The following OPLAH variants were observed in gnomAD, a reference collection of about 807,000 sequenced individuals.
OPLAH encodes the protein 5-oxoprolinase, ATP-hydrolysing.
In OPLAH, 103 loss-of-function variants were observed where a neutral mutation model predicts 122.8. The observed-to-expected ratio is 0.84, with a 90% CI of 0.71 to 0.99. OPLAH has a LOEUF of 0.99. OPLAH is among the 50% of genes least tolerant of loss of function. OPLAH has a pLI of 0.00. For synonymous variants in OPLAH, 875 were observed against 796.0 expected (o/e 1.10, Z -1.67); for missense variants, 1,902 against 1,836.5 (o/e 1.04, Z -0.65).
chr8:144,057,949 G>A, intron 8 of OPLAH, 26 bp from the exon 9 acceptor site: 2 of 1,611,990 alleles, frequency 1.2e-6, no homozygotes, highest in South Asian at 2.2e-5. Flanking sequence ...GCTGGGGTTG[G>A]AGTTGGACAC....
At position 144,055,324 on chromosome 8, in the gene OPLAH, C is replaced by G. The variant is rs1420973715; in HGVS notation, c.2249-135G>C. 1 of 933,082 alleles carries G rather than the reference C, an allele frequency of 1.1e-6. No homozygotes were observed. The highest frequency in any genetic ancestry group is 1.7e-5 in the African/African-American group (1 of 59,248). 57.8% of individuals were successfully genotyped at this position (933,082 alleles called of 1,614,324 possible). On this transcript the variant is annotated intron_variant, in intron 16 of 26. Transcript: ENST00000618853. This position sits in a 1 kb window ranked among gnomAD's most constrained non-coding sequence, Gnocchi z 6.5. ...CCAGCAGCTTTTTCCTGGGGAAGAC[C>G]AAGTTGACGGTGTGCCCACTTGGCC...
intron 14 of OPLAH, 49 bp downstream of exon 14, chr8:144,056,336 C>T (rs1835513353): frequency 6.3e-7 from 1 of 1,594,414 alleles, no homozygotes; most frequent in African/African-American, 1.3e-5. Context: ...TGGTCCCCAT[C>T]CCGGTGCCCC....
intron 23 of OPLAH, 43 bp downstream of exon 23, chr8:144,052,406 C>T (rs1554757898): frequency 6.5e-7 from 1 of 1,526,798 alleles, no homozygotes; most frequent in African/African-American, 1.4e-5. Flanking sequence ...TCCAGCCTGC[C>T]CACCCAGTCC....
rs782039049 is a variant in OPLAH at position 144,054,979 on chromosome 8, G to C, written c.2409+50C>G. 5.1e-5 allele frequency: 54 copies of C among 1,065,576 alleles called. No homozygotes were observed. The African/African-American group carries it at 7.3e-4, about 14-fold the overall frequency. 66.0% of individuals were successfully genotyped at this position (1,065,576 alleles called of 1,614,324 possible). ...AGGGGCCAGAGCGGGGTGGGGGGGGGGTGGAGGGTGAGGGAGGGGGATGGA... is the reference window on the plus strand; with the variant it reads ...AGGGGCCAGAGCGGGGTGGGGGGGGCGTGGAGGGTGAGGGAGGGGGATGGA... On this transcript the variant is annotated intron_variant, in intron 17 of 26. Coordinates refer to ENST00000618853, the MANE Select transcript of OPLAH (RefSeq NM_017570.5).
chr8:144,051,149 G>A, downstream of OPLAH: 3 of 1,426,436 alleles, frequency 2.1e-6, no homozygotes, highest in East Asian at 8.1e-5. Flanking sequence ...CCGCCCTGGA[G>A]GGGCTCACGG....
intron 12 of OPLAH, 62 bp from the exon 13 acceptor site, chr8:144,056,817 C>G: frequency 1.3e-6 from 2 of 1,537,772 alleles, no homozygotes; most frequent in Non-Finnish European, 1.8e-6. Flanking sequence ...CCCCACCCAG[C>G]GCCCGGCAAG....
intron 7 of OPLAH, 26 bp from the exon 8 acceptor site, chr8:144,058,174 T>C (rs1185833422): frequency 6.2e-7 from 1 of 1,610,338 alleles, no homozygotes; most frequent in Non-Finnish European, 8.5e-7. Context: ...TGCTGGTGGG[T>C]CACTTGAAGA....
In OPLAH at chr8:144,055,663, C is replaced by T; in HGVS notation, c.2248+125G>A. The T allele has an allele frequency of 8.3e-7, 1 of 1,202,414 alleles. No individual in the cohort carries two copies. Among genetic ancestry groups the T allele is most frequent in the Non-Finnish European group, 1.1e-6 (1 of 901,010 alleles). 74.5% of individuals were successfully genotyped at this position (1,202,414 alleles called of 1,614,324 possible). ...CAACTGCACCACACCAGTGCTGCGG[C>T]CACACTGCCCGCCCCGTCGCCAGGG... On this transcript the variant is annotated intron_variant, in intron 16 of 26. Transcript: ENST00000618853. This position sits in a 1 kb window ranked among gnomAD's most constrained non-coding sequence, Gnocchi z 6.5.
chr8:144,056,880 A>T, intron 12 of OPLAH, 68 bp downstream of exon 12: 3 of 1,519,642 alleles, frequency 2.0e-6, no homozygotes, highest in Non-Finnish European at 2.7e-6. Flanking sequence ...AGTCATCAGG[A>T]GGAACACCCA....
intron 19 of OPLAH, 149 bp from the exon 20 acceptor site, chr8:144,053,542 T>C: frequency 2.6e-6 from 2 of 766,398 alleles, no homozygotes; most frequent in South Asian, 1.8e-5. Context: ...GCCCCTCTCC[T>C]TGAGCCTGGC....
At position 144,056,626 on chromosome 8, in the gene OPLAH, A is replaced by G. The variant is rs11993554; in HGVS notation, c.1836T>C (p.Phe612=). Residue 612 remains phenylalanine (F), a synonymous_variant, in exon 13 of 27, where the codon TTT becomes TTC. Transcript: ENST00000618853. ...SPRAGDFGAA[F]VERYMREFGF... ...GTCAGGAAGCCACGTACCGCTCCAC[A>G]AAGGCTGCCCCGAAGTCCCCCGCAC... is the stretch of plus-strand genomic sequence containing the variant. The G allele has an allele frequency of 0.089, 143,845 of 1,612,122 alleles. 9,617 individuals carry two copies. Among genetic ancestry groups the G allele is most frequent in the African/African-American group, 0.35 (26,526 of 74,986 alleles).
chr8:144,059,449 T>C, intron 3 of OPLAH, 150 bp downstream of exon 3: 5 of 847,754 alleles, frequency 5.9e-6, no homozygotes, highest in South Asian at 1.8e-5. Context: ...TAGGAGAACT[T>C]GGGGTCCCAC....
In OPLAH at chr8:144,058,886, C is replaced by T; in HGVS notation, c.474G>A (p.Gly158=). Residue 158 remains glycine, a synonymous_variant, in exon 5 of 27, where the codon GGG becomes GGA. Coordinates refer to ENST00000618853, the MANE Select transcript of OPLAH (RefSeq NM_017570.5). ...CAGGCTGCTGCACTTCCAGCAGGTCCCCCGTGCGGCCTTCCAGAAAAGCCC... is the reference window on the plus strand; with the variant it reads ...CAGGCTGCTGCACTTCCAGCAGGTCTCCCGTGCGGCCTTCCAGAAAAGCCC... ...GTGTPVKGRT[G]DLLEVQQPVD... 6.5e-7 allele frequency: 1 copy of T among 1,548,950 alleles called. No homozygotes were observed. Among genetic ancestry groups the T allele is most frequent in the East Asian group, 2.4e-5 (1 of 40,962 alleles).
chr8:144,053,418 G>T (rs369407480), intron 19 of OPLAH, 25 bp from the exon 20 acceptor site: 43 of 1,584,462 alleles, frequency 2.7e-5, no homozygotes, highest in Admixed American at 6.9e-5. Context: ...TCATCACTGA[G>T]CCCCTGGCCA....
In OPLAH at chr8:144,051,487, G is replaced by A. The variant is rs781871568; in HGVS notation, c.3721-15C>T. On this transcript the variant is annotated splice_polypyrimidine_tract_variant and intron_variant, in intron 26 of 26. Coordinates refer to ENST00000618853, the MANE Select transcript of OPLAH (RefSeq NM_017570.5). ...CAGAACACATCCTGTTGGCGCGGGG[G>A]GGGGCGGGGAGGCGGGCTCAGTGCA... 7.0e-5 allele frequency: 103 copies of A among 1,470,046 alleles called. 1 individual carries two copies. The highest frequency in any genetic ancestry group is 8.7e-5 in the Non-Finnish European group (96 of 1,104,480). The allele number at this position is 1,470,046 out of a possible 1,614,324, so 91.1% of individuals were successfully genotyped here. A position where few individuals can be genotyped will look rare whatever the true frequency, so the allele number is the denominator to read the frequency against.
In OPLAH at chr8:144,052,751, C is replaced by T; in HGVS notation, c.3153+15G>A. The stretch of plus-strand genomic sequence containing the variant: ...TCGGGCTGGGGCCCCCCCTCGCGCA[C>T]ACACCCCTGCGAACCTGGTTGAGTG... On this transcript the variant is annotated intron_variant, in intron 22 of 26. Transcript: ENST00000618853. 1 of 1,562,792 alleles carries T rather than the reference C, an allele frequency of 6.4e-7. No individual in the cohort carries two copies. The highest frequency in any genetic ancestry group is 8.7e-7 in the Non-Finnish European group (1 of 1,154,598).
rs781863147 is a variant in OPLAH, at chr8:144,052,498, C to G, written c.3254G>C (p.Arg1085Pro). The stretch of plus-strand genomic sequence containing the variant: ...GGCCCCCAGGATGACATCCACCACG[C>G]GCTGCGACGTGAGCACGTTGCCGCC... ...VVGGNVLTSQ[R>P]VVDVILGAFG... Residue 1085 changes from arginine to proline, a missense_variant, in exon 23 of 27, where the codon CGC becomes CCC. This residue lies in a region of OPLAH where 1,726 missense variants were observed against 1,642.1 expected (regional missense o/e 1.05). Transcript: ENST00000618853. 3.3e-5 allele frequency: 52 copies of G among 1,569,804 alleles called. No individual in the cohort carries two copies. The highest frequency in any genetic ancestry group is 4.1e-5 in the Non-Finnish European group (48 of 1,164,644).
rs543524400 is a variant in OPLAH at position 144,058,619 on chromosome 8, C to T, written c.660G>A (p.Ser220=). 16 of 1,603,246 alleles carry T rather than the reference C, an allele frequency of 1.0e-5. No homozygotes were observed. Among genetic ancestry groups the T allele is most frequent in the Non-Finnish European group, 1.3e-5 (15 of 1,179,140 alleles). Residue 220 remains serine, a synonymous_variant, in exon 6 of 27, where the codon TCG becomes TCA. Coordinates refer to ENST00000618853, the MANE Select transcript of OPLAH (RefSeq NM_017570.5). ...CGATGCGCACCATGGGCATGGCCTC[C>T]GAGGACAGTGACACGTGCGTGAAGC... The part of the protein sequence containing the change: ...ELGFTHVSLS[S]EAMPMVRIVP...
At chr8:144,054,469 G>T in intron 19 of OPLAH, 92 bp downstream of exon 19, 1 of 1,361,994 alleles carries the variant, frequency 7.3e-7, no homozygotes, top group Admixed American at 2.5e-5. Flanking sequence ...TGGGCCTATG[G>T]GCTGCATCCC....
Sources: gnomAD v4.1 joint callset for allele counts on GRCh38, gnomAD v4.1.1 for gene constraint, gnomAD v4.1.1 regional missense constraint, Gnocchi (gnomAD v3.1) non-coding constraint, MANE v1.5 for transcripts, NCBI Gene and HGNC (gene_info 2026-07-23, HGNC 2026-07-21) for gene names.